Variants in SLC3A1 observed in about 807,000 individuals in gnomAD.
The protein encoded by SLC3A1 is solute carrier family 3 member 1.
Under a neutral mutation model 60.3 loss-of-function variants are expected in SLC3A1, and 78 were observed. The observed-to-expected ratio is 1.29, with a 90% CI of 1.08 to 1.56. SLC3A1 has a LOEUF of 1.56. Among genes scored for constraint, SLC3A1 ranks in the 40% most tolerant of loss-of-function variants. The pLI is 0.00. For synonymous variants in SLC3A1, 392 were observed against 307.9 expected (o/e 1.27, Z -2.86); for missense variants, 1,172 against 858.9 (o/e 1.36, Z -4.56).
At chr2:44,279,304 C>T (rs1473615765) in intron 1 of SLC3A1, among the ~76,000 whole-genome samples, 4 of 152,192 alleles carry the variant, frequency 2.6e-5, no homozygotes, top group Non-Finnish European at 5.9e-5. Flanking sequence ...CCTGCCTTCT[C>T]ACCCTTTTTT....
In SLC3A1 at chr2:44,280,742, A is replaced by G. The variant is rs1671476315; in HGVS notation, c.457A>G (p.Thr153Ala). 6.2e-7 allele frequency: 1 copy of G among 1,610,746 alleles called. No individual in the cohort carries two copies. The highest frequency in any genetic ancestry group is 8.5e-7 in the Non-Finnish European group (1 of 1,176,998). The change falls in exon 2 of 10, where the codon ACA becomes GCA. Residue 153 changes from threonine to alanine, a missense_variant. Coordinates refer to ENST00000260649, the MANE Select transcript of SLC3A1 (RefSeq NM_000341.4). ...KGIQDKLDYITALNIKTVWIT... is the reference protein window; with the variant it reads ...KGIQDKLDYIAALNIKTVWIT... ...TATTCAAGATAAACTGGACTACATC[A>G]CAGCTTTAAATATAAAAACTGTTTG...
At chr2:44,279,905 G>C (rs560312218) in intron 1 of SLC3A1, among the ~76,000 whole-genome samples, 50 of 151,996 alleles carry the variant, frequency 3.3e-4, no homozygotes, top group African/African-American at 1.2e-3. Context: ...CTTTCTTTTT[G>C]TACAGGGTCT....
chr2:44,283,299 G>A (rs1671541722), intron 3 of SLC3A1, among the ~76,000 whole-genome samples: 1 of 152,218 alleles, frequency 6.6e-6, no homozygotes, highest in South Asian at 2.1e-4. Flanking sequence ...TGCAGCCTGA[G>A]GAACAGGCTG....
chr2:44,288,067 G>T (rs1057013637), intron 4 of SLC3A1, among the ~76,000 whole-genome samples: 1 of 147,118 alleles, frequency 6.8e-6, no homozygotes, highest in Non-Finnish European at 1.5e-5. Context: ...TTGCTCTGTC[G>T]CCCAGGCTGG....
chr2:44,285,400 G>C (rs998273430), intron 3 of SLC3A1: 9 of 260,108 alleles, frequency 3.5e-5, no homozygotes, highest in African/African-American at 2.0e-4. Flanking sequence ...AGGGCCCACA[G>C]CGTTGACTTA....
intron 6 of SLC3A1, among the ~76,000 whole-genome samples, chr2:44,303,538 C>A (rs1306768564): frequency 1.6e-5 from 2 of 124,232 alleles, no homozygotes; most frequent in Admixed American, 8.1e-5. Context: ...CACCTGGCAC[C>A]CAAATGTGTT....
chr2:44,297,075 A>G lies in SLC3A1; in HGVS notation c.892-2896A>G, dbSNP rs192672592. ...AGCATGAGAACAAACTCTAATACACAAGTGAACTGTGGGATAGTTGTCATT... is the reference window on the plus strand; with the variant it reads ...AGCATGAGAACAAACTCTAATACACGAGTGAACTGTGGGATAGTTGTCATT... On this transcript the variant is annotated intron_variant, in intron 4 of 9. Coordinates refer to ENST00000260649, the MANE Select transcript of SLC3A1 (RefSeq NM_000341.4). 5.6e-4 allele frequency among the ~76,000 whole-genome samples: 85 copies of G among 152,338 alleles called. 1 individual carries two copies. The East Asian group carries it at 0.014, about 25-fold the overall frequency.
Position 44,280,793 on chromosome 2 carries a change from C to G in SLC3A1, c.508C>G (p.Leu170Val), listed in dbSNP as rs757439376. 4.0e-5 allele frequency: 64 copies of G among 1,612,754 alleles called. No homozygotes were observed. Among genetic ancestry groups the G allele is most frequent in the East Asian group, 8.9e-5 (4 of 44,862 alleles). Residue 170 changes from leucine (L) to valine (V), a missense_variant, in exon 2 of 10, where the codon CTT (leucine) becomes GTT (valine). By Grantham distance (32) the Leu-to-Val change is conservative. Transcript: ENST00000260649. Reference protein sequence around the residue: ...VWITSFYKSSLKDFRYGVEDF... With the variant: ...VWITSFYKSSVKDFRYGVEDF... Reference sequence around the variant, plus strand: ...GATTACTTCATTTTATAAATCGTCCCTTAAAGATTTCAGATATGGTGTTGA... The same window carrying G: ...GATTACTTCATTTTATAAATCGTCCGTTAAAGATTTCAGATATGGTGTTGA...
chr2:44,285,582 T>A, intron 3 of SLC3A1: 1 of 438,572 alleles, frequency 2.3e-6, no homozygotes, highest in Admixed American at 2.9e-5. Context: ...TGAAGGATTC[T>A]AATAATTTTC....
rs1671608527 is a variant in SLC3A1, at chr2:44,286,168, A to G, written c.891+11A>G. ...CAAGAAGAAATAAAAGTGAGTATAG[A>G]TACCCACACAGACTTCTCCATTAAT... On this transcript the variant is annotated intron_variant, in intron 4 of 9. Transcript: ENST00000260649. 6.2e-7 allele frequency: 1 copy of G among 1,612,982 alleles called. No homozygotes were observed.
chr2:44,302,278 G>A (rs1672032091), intron 6 of SLC3A1, among the ~76,000 whole-genome samples: 1 of 152,118 alleles, frequency 6.6e-6, no homozygotes, highest in African/African-American at 2.4e-5. Context: ...ATAAAAAAGT[G>A]ATAGCAATAA....
chr2:44,319,339 T>TAGAAA, intron 9 of SLC3A1: 1 of 152,232 alleles, frequency 6.6e-6, no homozygotes, highest in Non-Finnish European at 1.5e-5. Context: ...CCATACTCTT[T>TAGAAA]GACAAAGTAA....
At chr2:44,297,352 G>A (rs910378786) in intron 4 of SLC3A1, among the ~76,000 whole-genome samples, 1 of 152,064 alleles carries the variant, frequency 6.6e-6, no homozygotes, top group African/African-American at 2.4e-5. Context: ...TGCTTTTCAC[G>A]GTCACCTGGT....
chr2:44,300,152 C>G (rs996245364), intron 5 of SLC3A1, 62 bp downstream of exon 5: 10 of 1,542,802 alleles, frequency 6.5e-6, no homozygotes, highest in South Asian at 2.2e-5. Context: ...AGAGTGTTTT[C>G]TTTCTCAGCC....
chr2:44,295,019 C>T (rs1242219795), intron 4 of SLC3A1, among the ~76,000 whole-genome samples: 1 of 152,158 alleles, frequency 6.6e-6, no homozygotes, highest in Non-Finnish European at 1.5e-5. Flanking sequence ...GCTAGGATTA[C>T]AGGCATGAGC....
chr2:44,317,848 T>C (rs1374746828), intron 9 of SLC3A1: 1 of 179,128 alleles, frequency 5.6e-6, no homozygotes, highest in Non-Finnish European at 1.2e-5. Flanking sequence ...TAATTACAAA[T>C]ATGAATGGGT....
In SLC3A1 at chr2:44,285,388, C is replaced by G. The variant is rs528765921; in HGVS notation, c.766-644C>G. ...CAGAGCCCCATGAAACTCTCACATT[C>G]AAGGGCCCACAGCGTTGACTTAAGG... On this transcript the variant is annotated intron_variant, in intron 3 of 9. Coordinates refer to ENST00000260649, the MANE Select transcript of SLC3A1 (RefSeq NM_000341.4). 30 of 236,128 alleles carry G rather than the reference C, an allele frequency of 1.3e-4. No individual in the cohort carries two copies. In the South Asian group the frequency reaches 1.8e-3, roughly 14 times the overall value. 14.6% of individuals were successfully genotyped at this position (236,128 alleles called of 1,614,324 possible).
rs748433525 is a variant in SLC3A1, at chr2:44,320,630, C to G, written c.2049C>G (p.Thr683=). The change falls in exon 10 of 10, where the codon ACC becomes ACG. Residue 683 remains threonine, a synonymous_variant. Coordinates refer to ENST00000260649, the MANE Select transcript of SLC3A1 (RefSeq NM_000341.4). Reference sequence around the variant, plus strand: ...CCAGTGTACTGAACATACTGTATACCTCGTGTTAGGCACCTTTATGAAGAG... The same window carrying G: ...CCAGTGTACTGAACATACTGTATACGTCGTGTTAGGCACCTTTATGAAGAG... ...CYSSVLNILY[T]SC 1.9e-6 allele frequency: 3 copies of G among 1,613,116 alleles called. No homozygotes were observed. Among genetic ancestry groups the G allele is most frequent in the Non-Finnish European group, 1.7e-6 (2 of 1,179,358 alleles).
At chr2:44,298,665 G>A (rs4284876) in intron 4 of SLC3A1, among the ~76,000 whole-genome samples, 5,182 of 151,934 alleles carry the variant, frequency 0.034, 389 homozygotes, top group East Asian at 0.33. Context: ...GGCGTGAGCC[G>A]CTGCGCCCGG....
Sources: gnomAD v4.1 joint callset for allele counts (sites outside exome capture counted in the v4.1 genomes callset) on GRCh38, gnomAD v4.1.1 for gene constraint, MANE v1.5 for transcripts, NCBI Gene and HGNC (gene_info 2026-07-23, HGNC 2026-07-21) for gene names.